GK5: variants seen among roughly 807,000 people sequenced by gnomAD.
GK5 encodes the protein ATP:glycerol 3-phosphotransferase 5.
Under a neutral mutation model 77.3 loss-of-function variants are expected in GK5, and 39 were observed. That is an observed-to-expected ratio of 0.50 (90% CI 0.39 to 0.66). GK5 has a LOEUF of 0.66. Ranked by LOEUF, GK5 falls within the 30% of genes least tolerant of loss-of-function variation. The pLI is 0.00. For missense variants in GK5, 487 were observed against 633.8 expected (o/e 0.77, Z 2.49); for synonymous variants, 211 against 208.0 (o/e 1.01, Z -0.13).
At chr3:142,197,809 G>A (rs1296015913) in intron 5 of GK5, among the ~76,000 whole-genome samples, 2 of 152,090 alleles carry the variant, frequency 1.3e-5, no homozygotes, top group Non-Finnish European at 2.9e-5. Context: ...CAGATCACGA[G>A]GTCAGGAGTT....
chr3:142,204,539 C>T (rs990782455), intron 4 of GK5, 156 bp downstream of exon 4: 1 of 693,516 alleles, frequency 1.4e-6, no homozygotes, highest in Non-Finnish European at 2.7e-6. Flanking sequence ...CCACATACGC[C>T]TTTGATTGGC....
At chr3:142,209,597 C>T (rs893009271) in intron 3 of GK5, among the ~76,000 whole-genome samples, 4 of 152,200 alleles carry the variant, frequency 2.6e-5, no homozygotes, top group Non-Finnish European at 5.9e-5. Context: ...CCTTCTAACA[C>T]TTTACATCAT....
intron 11 of GK5, among the ~76,000 whole-genome samples, chr3:142,181,240 A>G (rs1361703044): frequency 6.6e-6 from 1 of 152,220 alleles, no homozygotes; most frequent in Non-Finnish European, 1.5e-5. Flanking sequence ...TATTTTACAT[A>G]GTTAAACTTA....
chr3:142,187,947 G>A (rs1330724159), intron 5 of GK5, among the ~76,000 whole-genome samples, 168 bp from the exon 6 acceptor site: 4 of 151,984 alleles, frequency 2.6e-5, no homozygotes, highest in African/African-American at 9.7e-5. Flanking sequence ...ATTATATAGG[G>A]CATGAGATCT....
chr3:142,186,625 ATTTTCT>A, intron 6 of GK5, 112 bp from the exon 7 acceptor site: 1 of 338,942 alleles, frequency 3.0e-6, no homozygotes. Context: ...CAAAATGTGT[ATTTTCT>A]TTTTTTTTTT....
chr3:142,225,450 C>T lies in GK5; in HGVS notation c.6G>A (p.Ser2=), dbSNP rs183881312. The T allele has an allele frequency of 8.7e-6, 14 of 1,602,636 alleles. No individual in the cohort carries two copies. In the East Asian group the frequency reaches 2.0e-4, roughly 23 times the overall value. M[S]GLLTDPEQRA... ...TCTGCTCCGGGTCCGTGAGCAGCCC[C>T]GACATCCCGATCCCGCACGCCTCTC... The change falls in exon 1 of 16, where the codon TCG becomes TCA. Residue 2 remains serine, a synonymous_variant. Coordinates refer to ENST00000392993, the MANE Select transcript of GK5 (RefSeq NM_001039547.3).
At chr3:142,180,210 C>T (rs1299885576) in intron 11 of GK5, among the ~76,000 whole-genome samples, 4 of 152,202 alleles carry the variant, frequency 2.6e-5, no homozygotes, top group Non-Finnish European at 5.9e-5. Context: ...CCTGGCAATC[C>T]TGTGGCTGCA....
chr3:142,168,726 A>T (rs954312256), intron 15 of GK5, among the ~76,000 whole-genome samples: 2 of 43,436 alleles, frequency 4.6e-5, no homozygotes, highest in Admixed American at 2.3e-4. Context: ...TATGGTCCCC[A>T]CCCCCCCACC....
intron 3 of GK5, among the ~76,000 whole-genome samples, chr3:142,211,555 G>A (rs143367769): frequency 1.4e-3 from 219 of 152,290 alleles, no homozygotes; most frequent in South Asian, 2.3e-3. Context: ...GCTTTGGGAC[G>A]CCAAGGCAGG....
At chr3:142,166,863 G>T (rs2063478135) in intron 15 of GK5, among the ~76,000 whole-genome samples, 1 of 152,100 alleles carries the variant, frequency 6.6e-6, no homozygotes, top group African/African-American at 2.4e-5. Context: ...ATCATAAGTA[G>T]TCTGAAATGA....
chr3:142,218,207 G>GT (rs1381759467), intron 1 of GK5, among the ~76,000 whole-genome samples: 1 of 146,006 alleles, frequency 6.8e-6, no homozygotes, highest in African/African-American at 2.5e-5. Context: ...AAATGGTGGT[G>GT]TAACAATTGG....
chr3:142,215,778 A>G, intron 1 of GK5, 86 bp from the exon 2 acceptor site: 2 of 620,354 alleles, frequency 3.2e-6, no homozygotes, highest in Non-Finnish European at 5.7e-6. Flanking sequence ...ACTGGTTAAA[A>G]TAATTAACAT....
At chr3:142,167,245 G>A (rs544398309) in intron 15 of GK5, among the ~76,000 whole-genome samples, 3 of 152,054 alleles carry the variant, frequency 2.0e-5, no homozygotes, top group South Asian at 2.1e-4. Context: ...GTGGTGGCAC[G>A]CGCCTATAGT....
intron 4 of GK5, 33 bp from the exon 5 acceptor site, chr3:142,198,966 C>A: frequency 2.6e-6 from 4 of 1,531,132 alleles, no homozygotes; most frequent in Non-Finnish European, 3.6e-6. Flanking sequence ...TAGGAAAATG[C>A]ATTTAGTAGT....
At chr3:142,206,527 T>A (rs924671511) in intron 3 of GK5, among the ~76,000 whole-genome samples, 1 of 152,226 alleles carries the variant, frequency 6.6e-6, no homozygotes, top group African/African-American at 2.4e-5. Flanking sequence ...ACATTGAGCA[T>A]CTTTGTGTGT....
intron 5 of GK5, among the ~76,000 whole-genome samples, chr3:142,195,550 C>T (rs1193070076): frequency 1.3e-5 from 2 of 152,024 alleles, no homozygotes; most frequent in Non-Finnish European, 2.9e-5. Context: ...TGGTGTCTTG[C>T]TATATTGCCC....
At chr3:142,187,486 T>C (rs976723721) in intron 6 of GK5, among the ~76,000 whole-genome samples, 1 of 151,358 alleles carries the variant, frequency 6.6e-6, no homozygotes, top group Non-Finnish European at 1.5e-5. Context: ...ATACCAATAG[T>C]CCCAGCCACT....
chr3:142,180,307 CTTTTTTT>C (rs887517347), intron 11 of GK5, among the ~76,000 whole-genome samples: 2 of 143,816 alleles, frequency 1.4e-5, no homozygotes, highest in East Asian at 2.1e-4. Flanking sequence ...TTTCTTTTTT[CTTTTTTT>C]TTTTTGAGAC....
intron 1 of GK5, among the ~76,000 whole-genome samples, chr3:142,219,955 G>C (rs1190724798): frequency 6.6e-6 from 1 of 152,066 alleles, no homozygotes; most frequent in African/African-American, 2.4e-5. Flanking sequence ...GGAGACAGAG[G>C]GAGACTGTCT....
Sources: allele counts gnomAD v4.1 joint callset (sites outside exome capture counted in the v4.1 genomes callset), GRCh38; gene constraint gnomAD v4.1.1; transcripts MANE v1.5; gene names NCBI Gene and HGNC (gene_info 2026-07-23, HGNC 2026-07-21).